Variants in CD300A observed in about 807,000 individuals in gnomAD.
CD300A encodes CD300a molecule, also known as CMRF35-like molecule 8.
Under a neutral mutation model 33.6 loss-of-function variants are expected in CD300A, and 22 were observed. The observed-to-expected ratio is 0.66, with a 90% CI of 0.47 to 0.94. CD300A has a LOEUF of 0.94. Ranked by LOEUF, CD300A falls within the 40% of genes least tolerant of loss-of-function variation. The probability of loss-of-function intolerance (pLI) is 0.00; values close to 1 mark genes in which losing one functional copy is unlikely to be tolerated. For synonymous variants in CD300A, 136 were observed against 148.1 expected (o/e 0.92, Z 0.59); for missense variants, 326 against 360.5 (o/e 0.90, Z 0.77).
chr17:74,483,073 A>G (rs1907019916), intron 6 of CD300A, among the ~76,000 whole-genome samples: 2 of 152,064 alleles, frequency 1.3e-5, no homozygotes. Context: ...GCATGACATG[A>G]TCTTGTGTCC....
intron 6 of CD300A, among the ~76,000 whole-genome samples, chr17:74,482,370 T>G (rs72844393): frequency 0.16 from 19,890 of 128,138 alleles, 1,866 homozygotes; most frequent in Admixed American, 0.32. Context: ...AAGCTTAAAG[T>G]GCCCCCAGGC....
rs917506766 is a variant in CD300A at position 74,480,834 on chromosome 17, G to A, written c.629-455G>A. On this transcript the variant is annotated intron_variant, in intron 4 of 6. Coordinates refer to ENST00000360141, the MANE Select transcript of CD300A (RefSeq NM_007261.4). This position sits in a 1 kb window ranked among gnomAD's most constrained non-coding sequence, Gnocchi z 4.2. ...ATGATCTCAGCTCACTGCAACCTCC[G>A]TCTCCCAGGTTCAAGCGATTCTCCT... is the stretch of plus-strand genomic sequence containing the variant. Among the ~76,000 whole-genome samples the A allele has an allele frequency of 2.0e-5, 3 of 152,096 alleles. No individual in the cohort carries two copies. The highest frequency in any genetic ancestry group is 4.1e-4 in the South Asian group (2 of 4,830).
chr17:74,476,006 G>A (rs960623002), intron 3 of CD300A, among the ~76,000 whole-genome samples: 4 of 152,180 alleles, frequency 2.6e-5, no homozygotes, highest in South Asian at 2.1e-4. Context: ...GAATCAGGGA[G>A]CATCACCTGC....
chr17:74,481,498 G>A (rs1906845848), intron 5 of CD300A, 172 bp downstream of exon 5: 1 of 681,830 alleles, frequency 1.5e-6, no homozygotes, highest in Non-Finnish European at 2.5e-6. Context: ...TCTGAGTCCT[G>A]GCCAGCCTGT....
intron 1 of CD300A, among the ~76,000 whole-genome samples, chr17:74,471,991 A>G (rs1275160394): frequency 1.3e-5 from 2 of 152,182 alleles, no homozygotes; most frequent in Non-Finnish European, 2.9e-5. Flanking sequence ...CTGTAATCCC[A>G]GCACTTTGGG....
At chr17:74,466,401 G>A, upstream of CD300A, 1 of 359,240 alleles carries the variant, frequency 2.8e-6, no homozygotes, top group Non-Finnish European at 5.1e-6. Context: ...TGAGAGTCGG[G>A]GATCAGTCCT....
Position 74,473,594 on chromosome 17 carries a change from T to A in CD300A, c.99T>A (p.Ser33Arg), listed in dbSNP as rs1598450466. The A allele has an allele frequency of 1.2e-6, 2 of 1,614,024 alleles. No homozygotes were observed. Among genetic ancestry groups the A allele is most frequent in the East Asian group, 2.2e-5 (1 of 44,874 alleles). ...TVAGPVGGSLSVQCPYEKEHR... is the reference protein window; with the variant it reads ...TVAGPVGGSLRVQCPYEKEHR... Reference sequence around the variant, plus strand: ...CGGGCCCCGTGGGGGGATCCCTGAGTGTGCAGTGTCCCTATGAGAAGGAAC... The same window carrying A: ...CGGGCCCCGTGGGGGGATCCCTGAGAGTGCAGTGTCCCTATGAGAAGGAAC... The change falls in exon 2 of 7, where the codon AGT (serine) becomes AGA (arginine). Residue 33 changes from serine (S) to arginine (R), a missense_variant. Ser to Arg is a moderately radical substitution (Grantham distance 110). Coordinates refer to ENST00000360141, the MANE Select transcript of CD300A (RefSeq NM_007261.4).
intron 1 of CD300A, among the ~76,000 whole-genome samples, chr17:74,472,592 A>G (rs1399764328): frequency 1.3e-5 from 2 of 151,468 alleles, no homozygotes; most frequent in Non-Finnish European, 2.9e-5. Context: ...TTCGTCAGCA[A>G]GCCTTCTGCG....
chr17:74,472,730 C>A (rs761034917), intron 1 of CD300A, among the ~76,000 whole-genome samples: 18 of 151,974 alleles, frequency 1.2e-4, no homozygotes, highest in Non-Finnish European at 2.5e-4. Context: ...GTGCCTCAGC[C>A]TCCCCAGTAG....
chr17:74,482,148 T>C (rs1159045601), intron 6 of CD300A, among the ~76,000 whole-genome samples: 1 of 151,762 alleles, frequency 6.6e-6, no homozygotes, highest in Non-Finnish European at 1.5e-5. Flanking sequence ...CTCACTGTTT[T>C]GGTCTCATCA....
At position 74,477,500 on chromosome 17, in the gene CD300A, G is replaced by A. The variant is rs772241880; in HGVS notation, c.598G>A (p.Ala200Thr). Residue 200 changes from alanine (A) to threonine (T), a missense_variant, in exon 4 of 7, where the codon GCC (alanine) becomes ACC (threonine). Transcript: ENST00000360141. The part of the protein sequence containing the change: ...LLLLVGASLL[A>T]WRMFQKWIKA... ...TCTGTTGGTGGGGGCCTCCCTGCTA[G>A]CCTGGAGGATGTTTCAGAAATGGAT... 3 of 1,613,450 alleles carry A rather than the reference G, an allele frequency of 1.9e-6. No individual in the cohort carries two copies. Among genetic ancestry groups the A allele is most frequent in the Admixed American group, 3.3e-5 (2 of 60,000 alleles).
Position 74,473,768 on chromosome 17 carries a change from G to C in CD300A, c.273G>C (p.Glu91Asp), listed in dbSNP as rs761481074. The change falls in exon 2 of 7, where the codon GAG becomes GAC. Residue 91 changes from glutamate (E) to aspartate (D), a missense_variant. Glu to Asp is a conservative substitution (Grantham distance 45, BLOSUM62 2). Transcript: ENST00000360141. ...ACCTCAGCTTCACAGTGACCCTGGA[G>C]AATCTCACAGAGGAGGATGCAGGCA... ...PANLSFTVTL[E>D]NLTEEDAGTY... The C allele has an allele frequency of 3.1e-6, 5 of 1,614,274 alleles. No homozygotes were observed. In the South Asian group the frequency reaches 5.5e-5, roughly 18 times the overall value.
At chr17:74,466,837 C>T (rs1905743689) in intron 1 of CD300A, 94 bp downstream of exon 1, 4 of 1,546,168 alleles carry the variant, frequency 2.6e-6, no homozygotes, top group Non-Finnish European at 3.5e-6. Context: ...CGCCCCGAGT[C>T]TGGACTCCGT....
intron 4 of CD300A, among the ~76,000 whole-genome samples, chr17:74,478,312 C>G (rs1474321988): frequency 6.6e-6 from 1 of 152,210 alleles, no homozygotes; most frequent in Non-Finnish European, 1.5e-5. Context: ...TGCTGGTGTC[C>G]TCATCTGCCT....
intron 1 of CD300A, among the ~76,000 whole-genome samples, chr17:74,469,048 G>A (rs1026941011): frequency 6.6e-6 from 1 of 152,156 alleles, no homozygotes; most frequent in East Asian, 1.9e-4. Flanking sequence ...CTGGCTTCAT[G>A]GAAAGAATTA....
At chr17:74,474,721 C>T in intron 3 of CD300A, 36 bp downstream of exon 3, 1 of 1,608,448 alleles carries the variant, frequency 6.2e-7, no homozygotes, top group Non-Finnish European at 8.5e-7. Flanking sequence ...GGAGGGGGCC[C>T]TGTGCTAAGA....
At chr17:74,469,375 A>AT (rs1302460981) in intron 1 of CD300A, among the ~76,000 whole-genome samples, 1 of 151,888 alleles carries the variant, frequency 6.6e-6, no homozygotes, top group African/African-American at 2.4e-5. Context: ...AAAAAAAAAA[A>AT]GTCTATTCTT....
chr17:74,467,777 G>C (rs1270319886), intron 1 of CD300A, among the ~76,000 whole-genome samples: 2 of 152,162 alleles, frequency 1.3e-5, no homozygotes, highest in Non-Finnish European at 2.9e-5. Flanking sequence ...CGATTCTCTT[G>C]GGTGTTCTTC....
Position 74,481,329 on chromosome 17 carries a change from A to G in CD300A, c.666+3A>G, listed in dbSNP as rs1342026602. On this transcript the variant is annotated splice_donor_region_variant and intron_variant, in intron 5 of 6. Coordinates refer to ENST00000360141, the MANE Select transcript of CD300A (RefSeq NM_007261.4). ...AGCTGTCCCAGAACCCCAAGCAGGTAAGGGGGCTTTAGCAGGAGGTGTATC... is the reference window on the plus strand; with the variant it reads ...AGCTGTCCCAGAACCCCAAGCAGGTGAGGGGGCTTTAGCAGGAGGTGTATC... 5 of 1,613,456 alleles carry G rather than the reference A, an allele frequency of 3.1e-6. No individual in the cohort carries two copies. The highest frequency in any genetic ancestry group is 1.3e-5 in the African/African-American group (1 of 74,870).
Sources: gnomAD v4.1 joint callset for allele counts (sites outside exome capture counted in the v4.1 genomes callset) on GRCh38, gnomAD v4.1.1 for gene constraint, Gnocchi (gnomAD v3.1) non-coding constraint, MANE v1.5 for transcripts, NCBI Gene and HGNC (gene_info 2026-07-23, HGNC 2026-07-21) for gene names.